MBP: variants seen among roughly 807,000 people sequenced by gnomAD.
MBP encodes the protein Golli-MBP.
Under a neutral mutation model 35.8 loss-of-function variants are expected in MBP, and 16 were observed. That is an observed-to-expected ratio of 0.45 (90% CI 0.30 to 0.68). The LOEUF (loss-of-function observed/expected upper bound fraction) is 0.68, where lower values mean the gene tolerates loss of function less well. Among genes scored for constraint, MBP ranks in the 30% least tolerant of loss-of-function variants. The pLI is 0.08. For missense variants in MBP, 380 were observed against 404.7 expected (o/e 0.94, Z 0.52); for synonymous variants, 143 against 159.6 (o/e 0.90, Z 0.78).
chr18:77,090,588 C>CA (rs1305238323), intron 2 of MBP, among the ~76,000 whole-genome samples: 2 of 152,226 alleles, frequency 1.3e-5, no homozygotes, highest in African/African-American at 4.8e-5. Flanking sequence ...CCTCAGTCTC[C>CA]ATCTCTCTTA....
At chr18:77,099,217 C>T (rs954597720) in intron 2 of MBP, among the ~76,000 whole-genome samples, 2 of 152,176 alleles carry the variant, frequency 1.3e-5, no homozygotes. Context: ...GTACACTATA[C>T]GGGGGGTCTC....
intron 3 of MBP, among the ~76,000 whole-genome samples, chr18:77,063,881 T>C (rs756955378): frequency 1.4e-5 from 2 of 140,922 alleles, no homozygotes; most frequent in African/African-American, 2.8e-5. Context: ...CCATGCTGTA[T>C]ATATACCTAT....
At chr18:76,991,399 C>T (rs1969907458) in intron 4 of MBP, among the ~76,000 whole-genome samples, 2 of 152,040 alleles carry the variant, frequency 1.3e-5, no homozygotes, top group South Asian at 4.2e-4. Context: ...CAGGGGAACA[C>T]AGGGGACATG....
chr18:77,050,225 G>C (rs757714823), intron 3 of MBP, among the ~76,000 whole-genome samples: 15 of 152,142 alleles, frequency 9.9e-5, no homozygotes, highest in Non-Finnish European at 1.8e-4. Flanking sequence ...TTCCAAACTT[G>C]TTCAGTTTTG....
intron 2 of MBP, among the ~76,000 whole-genome samples, chr18:77,082,767 C>CTGTCAT (rs1568330730): frequency 0.077 from 2,794 of 36,052 alleles, no homozygotes; most frequent in South Asian, 0.11. Flanking sequence ...GCAGCTGGAC[C>CTGTCAT]AGGTGGTCTG....
rs116555042 is a variant in MBP, at chr18:77,047,123, G to A, written c.139+19175C>T. Among the ~76,000 whole-genome samples the A allele has an allele frequency of 8.0e-3, 1,220 of 152,320 alleles. 23 individuals carry two copies. The highest frequency in any genetic ancestry group is 0.029 in the African/African-American group (1,186 of 41,580). ...CGAACGTAACAGACAAAACAAAGGC[G>A]ACCACGGCTGGGTGCCTGCCCAAGA... On this transcript the variant is annotated intron_variant, in intron 3 of 8. Transcript: ENST00000355994.
intron 3 of MBP, among the ~76,000 whole-genome samples, chr18:77,058,729 C>T (rs571867732): frequency 5.3e-5 from 8 of 152,356 alleles, no homozygotes; most frequent in Admixed American, 4.6e-4. Context: ...CAGCTTATTC[C>T]GTGGAGGGAG....
At chr18:77,012,770 C>T (rs34623569) in intron 4 of MBP, 74,144 of 984,550 alleles carry the variant, frequency 0.075, 2,916 homozygotes, top group Middle Eastern at 0.098. Context: ...TAAAGAAGTT[C>T]GCATGCAATT....
At position 77,107,920 on chromosome 18, in the gene MBP, C is replaced by T. The variant is rs562435406; in HGVS notation, c.-25-2634G>A. Among the ~76,000 whole-genome samples, 4 of 152,262 alleles carry T rather than the reference C, an allele frequency of 2.6e-5. No homozygotes were observed. The East Asian group carries it at 7.7e-4, about 29-fold the overall frequency. The stretch of plus-strand genomic sequence containing the variant: ...ATCACTGAGGGTTGGTTAATTCTAG[C>T]CTTAAATGCAAAATTTATATACTAG... On this transcript the variant is annotated intron_variant, in intron 1 of 8. Coordinates refer to ENST00000355994, the MANE Select transcript of MBP (RefSeq NM_001025101.2).
intron 1 of MBP, among the ~76,000 whole-genome samples, chr18:77,125,165 T>C (rs1977010609): frequency 6.6e-6 from 1 of 152,240 alleles, no homozygotes; most frequent in African/African-American, 2.4e-5. Flanking sequence ...CTTGTCATTG[T>C]CATGCTCTTA....
chr18:77,023,769 C>T (rs1194812838), intron 3 of MBP, among the ~76,000 whole-genome samples: 1 of 152,198 alleles, frequency 6.6e-6, no homozygotes, highest in Non-Finnish European at 1.5e-5. Context: ...GAGGCTGGCC[C>T]TGGGAGGCCC....
intron 2 of MBP, among the ~76,000 whole-genome samples, chr18:77,084,959 GGAGAGAGAGA>G (rs56132737): frequency 1.5e-4 from 22 of 150,870 alleles, no homozygotes; most frequent in Non-Finnish European, 2.2e-4. Flanking sequence ...GGGGGAGGGG[GGAGAGAGAGA>G]GAGAGAGAGA....
chr18:76,980,767 G>T, intron 8 of MBP: 1 of 387,432 alleles, frequency 2.6e-6, no homozygotes, highest in Non-Finnish European at 4.7e-6. Flanking sequence ...TTCTGTGGGT[G>T]AAAGTGCAGC....
intron 1 of MBP, among the ~76,000 whole-genome samples, chr18:77,120,301 G>C (rs1394504764): frequency 4.6e-5 from 7 of 152,248 alleles, no homozygotes; most frequent in Admixed American, 3.9e-4. Context: ...AGCTGTGACC[G>C]GCACGGCCAG....
intron 3 of MBP, among the ~76,000 whole-genome samples, chr18:77,029,776 CCACACACACACACACAAA>C (rs374960691): frequency 3.3e-4 from 44 of 132,166 alleles, no homozygotes; most frequent in African/African-American, 7.9e-4. Flanking sequence ...CATAAAATGA[CCACACACACACACACAAA>C]CACACACACA....
At chr18:77,120,863 A>G (rs1003597883) in intron 1 of MBP, among the ~76,000 whole-genome samples, 4 of 152,238 alleles carry the variant, frequency 2.6e-5, no homozygotes, top group Non-Finnish European at 5.9e-5. Flanking sequence ...AAACAAACGA[A>G]GTTGAATCTA....
chr18:77,092,172 C>G (rs545510063), intron 2 of MBP, among the ~76,000 whole-genome samples: 1 of 152,272 alleles, frequency 6.6e-6, no homozygotes, highest in East Asian at 1.9e-4. Flanking sequence ...TGCAATTACA[C>G]GGCGGCGTTT....
chr18:77,084,431 C>CCCCA (rs1555726652), intron 2 of MBP, among the ~76,000 whole-genome samples: 2 of 105,966 alleles, frequency 1.9e-5, no homozygotes, highest in East Asian at 3.2e-4. Context: ...CCACACCACA[C>CCCCA]CACACACACA....
chr18:77,106,700 C>A (rs1437170727), intron 1 of MBP, among the ~76,000 whole-genome samples: 1 of 152,164 alleles, frequency 6.6e-6, no homozygotes, highest in African/African-American at 2.4e-5. Context: ...ATAAACACAA[C>A]CCACCTGCAA....
Sources: allele counts gnomAD v4.1 joint callset (sites outside exome capture counted in the v4.1 genomes callset), GRCh38; gene constraint gnomAD v4.1.1; transcripts MANE v1.5; gene names NCBI Gene and HGNC (gene_info 2026-07-23, HGNC 2026-07-21).